Variants in ARNT2 observed in about 807,000 individuals in gnomAD.
ARNT2 encodes the protein ARNT protein 2.
A neutral mutation model predicts 91.7 loss-of-function variants in ARNT2; 36 were observed. The observed-to-expected ratio is 0.39, with a 90% CI of 0.30 to 0.52. ARNT2 has a LOEUF of 0.52. Ranked by LOEUF, ARNT2 falls within the 20% of genes least tolerant of loss-of-function variation. The pLI is 0.72. For synonymous variants in ARNT2, 365 were observed against 347.1 expected (o/e 1.05, Z -0.57); for missense variants, 775 against 939.3 (o/e 0.83, Z 2.29).
chr15:80,468,437 C>T (rs1408054043), intron 3 of ARNT2, among the ~76,000 whole-genome samples: 2 of 152,166 alleles, frequency 1.3e-5, no homozygotes, highest in African/African-American at 4.8e-5. Context: ...CCCTCTACTC[C>T]AGGGCCCATC....
chr15:80,427,011 T>C (rs1053285033), intron 1 of ARNT2, among the ~76,000 whole-genome samples: 1 of 152,156 alleles, frequency 6.6e-6, no homozygotes, highest in African/African-American at 2.4e-5. Context: ...AGCCTTATTG[T>C]CTCCTAAAGG....
rs998450669 is a variant in ARNT2 at position 80,591,464 on chromosome 15, G to A, written c.1919-104G>A. 7.7e-6 allele frequency: 11 copies of A among 1,428,476 alleles called. No homozygotes were observed. Among genetic ancestry groups the A allele is most frequent in the South Asian group, 3.8e-5 (3 of 79,990 alleles). 88.5% of individuals were successfully genotyped at this position (1,428,476 alleles called of 1,614,324 possible). A position where few individuals can be genotyped will look rare whatever the true frequency, so the allele number is the denominator to read the frequency against. On this transcript the variant is annotated intron_variant, in intron 17 of 18. Coordinates refer to ENST00000303329, the MANE Select transcript of ARNT2 (RefSeq NM_014862.4). This position sits in a 1 kb window ranked among gnomAD's most constrained non-coding sequence, Gnocchi z 5.1. The stretch of plus-strand genomic sequence containing the variant: ...ACATTCCGCCAGCTCTGGATGGAAC[G>A]TGCCTTTCAGAAGCGGGAGGCCCTC...
intron 9 of ARNT2, among the ~76,000 whole-genome samples, chr15:80,551,596 G>A (rs886163533): frequency 1.3e-5 from 2 of 152,170 alleles, no homozygotes; most frequent in Non-Finnish European, 1.5e-5. Context: ...ATGGGATGAA[G>A]TCCAAGCTCA....
intron 10 of ARNT2, chr15:80,554,599 G>A (rs574788604): frequency 6.2e-6 from 1 of 162,500 alleles, no homozygotes; most frequent in African/African-American, 2.4e-5. Flanking sequence ...TAAATAGATA[G>A]TAAACAGGCT....
chr15:80,581,913 A>C (rs1304662371), intron 17 of ARNT2, among the ~76,000 whole-genome samples: 1 of 152,062 alleles, frequency 6.6e-6, no homozygotes, highest in Admixed American at 6.5e-5. Context: ...GGCCTTGCCC[A>C]CTCTCCGTGT....
At chr15:80,551,088 A>G (rs1253833184) in intron 8 of ARNT2, 111 bp from the exon 9 acceptor site, 7 of 1,026,288 alleles carry the variant, frequency 6.8e-6, no homozygotes, top group African/African-American at 4.8e-5. Context: ...CCAGCCCTGC[A>G]TGGCCAACAC....
At chr15:80,503,960 A>T (rs971421288) in intron 5 of ARNT2, among the ~76,000 whole-genome samples, 2 of 152,198 alleles carry the variant, frequency 1.3e-5, no homozygotes, top group Non-Finnish European at 2.9e-5. Context: ...CTGACCAGGC[A>T]CAGTCCTAGA....
chr15:80,445,667 G>A (rs1325988669), intron 1 of ARNT2, among the ~76,000 whole-genome samples: 2 of 151,974 alleles, frequency 1.3e-5, no homozygotes, highest in East Asian at 3.9e-4. Context: ...CGCACAGGGA[G>A]ACCCGAGTGG....
intron 14 of ARNT2, among the ~76,000 whole-genome samples, chr15:80,575,753 A>C (rs1898662873): frequency 1.3e-5 from 2 of 152,164 alleles, no homozygotes; most frequent in Non-Finnish European, 2.9e-5. Context: ...ACCCTAGTGG[A>C]ACGTCAAGGC....
At chr15:80,507,381 G>A (rs188008680) in intron 5 of ARNT2, among the ~76,000 whole-genome samples, 1 of 152,086 alleles carries the variant, frequency 6.6e-6, no homozygotes, top group Admixed American at 6.6e-5. Context: ...AGGGAGAGGA[G>A]GGACTCGGGG....
chr15:80,514,604 C>T (rs908343238), intron 8 of ARNT2, among the ~76,000 whole-genome samples, 199 bp downstream of exon 8: 1 of 152,120 alleles, frequency 6.6e-6, no homozygotes, highest in African/African-American at 2.4e-5. Flanking sequence ...GCTAATTGTG[C>T]AACCAGACGC....
intron 5 of ARNT2, among the ~76,000 whole-genome samples, chr15:80,499,228 C>T (rs1186389520): frequency 6.6e-6 from 1 of 152,236 alleles, no homozygotes; most frequent in East Asian, 1.9e-4. Flanking sequence ...TTTCTCCCCT[C>T]TGAAATGAAC....
Position 80,552,690 on chromosome 15 carries a change from A to T in ARNT2, c.1005A>T (p.Thr335=). Residue 335 remains threonine, a synonymous_variant, in exon 10 of 19, where the codon ACA becomes ACT. Coordinates refer to ENST00000303329, the MANE Select transcript of ARNT2 (RefSeq NM_014862.4). ...ACATGAATGGGATGTCGGTGCCCAC[A>T]GAGTTCTTATCCCGGCATAACTCCG... is the stretch of plus-strand genomic sequence containing the variant. The part of the protein sequence containing the change: ...CMDMNGMSVP[T]EFLSRHNSDG... 2 of 1,614,156 alleles carry T rather than the reference A, an allele frequency of 1.2e-6. No homozygotes were observed. The highest frequency in any genetic ancestry group is 2.2e-5 in the East Asian group (1 of 44,882).
chr15:80,482,132 A>G (rs1220066289), intron 5 of ARNT2, among the ~76,000 whole-genome samples: 1 of 151,972 alleles, frequency 6.6e-6, no homozygotes, highest in African/African-American at 2.4e-5. Flanking sequence ...CTGGTCTCAC[A>G]CTCCTGGACT....
In ARNT2 at chr15:80,470,365, G is replaced by T. The variant is rs1291737034; in HGVS notation, c.342G>T (p.Lys114Asn). The change falls in exon 4 of 19, where the codon AAG (lysine) becomes AAT (asparagine). Residue 114 changes from lysine (K) to asparagine (N), a missense_variant. Lys to Asn is a moderately conservative substitution (Grantham distance 94, BLOSUM62 0). Transcript: ENST00000303329. ...TILRMAVSHM[K>N]SMRGTGNKST... ...TCCGCATGGCCGTCTCGCACATGAA[G>T]TCCATGAGGGGTACAGGGAACAAGT... is the stretch of plus-strand genomic sequence containing the variant. 1.2e-6 allele frequency: 2 copies of T among 1,614,082 alleles called. No individual in the cohort carries two copies. The highest frequency in any genetic ancestry group is 1.7e-6 in the Non-Finnish European group (2 of 1,180,056).
At chr15:80,564,315 A>G (rs1898432454) in intron 12 of ARNT2, among the ~76,000 whole-genome samples, 4 of 152,056 alleles carry the variant, frequency 2.6e-5, no homozygotes, top group Non-Finnish European at 5.9e-5. Context: ...ACCACAGCCT[A>G]CTGGCACTCT....
chr15:80,545,039 A>G (rs1566997591), intron 8 of ARNT2, among the ~76,000 whole-genome samples: 1 of 152,194 alleles, frequency 6.6e-6, no homozygotes, highest in Non-Finnish European at 1.5e-5. Context: ...TTGAAGTCTC[A>G]TGAGGGTGTT....
chr15:80,448,516 T>G (rs567544884), intron 1 of ARNT2, among the ~76,000 whole-genome samples: 14 of 152,366 alleles, frequency 9.2e-5, no homozygotes, highest in African/African-American at 3.4e-4. Flanking sequence ...AGCTTTACTT[T>G]TTTCAACTTA....
At chr15:80,424,744 A>G (rs1474038874) in intron 1 of ARNT2, among the ~76,000 whole-genome samples, 1 of 151,094 alleles carries the variant, frequency 6.6e-6, no homozygotes, top group Non-Finnish European at 1.5e-5. Flanking sequence ...TGTTGACAAA[A>G]CAGTTTATAC....
Sources: allele counts gnomAD v4.1 joint callset (sites outside exome capture counted in the v4.1 genomes callset), GRCh38; gene constraint gnomAD v4.1.1; non-coding constraint Gnocchi (gnomAD v3.1); transcripts MANE v1.5; gene names NCBI Gene and HGNC (gene_info 2026-07-23, HGNC 2026-07-21).